PRLR: variants seen among roughly 807,000 people sequenced by gnomAD.
PRLR encodes prolactin receptor, also known as hPRL receptor.
Under a neutral mutation model 40.2 loss-of-function variants are expected in PRLR, and 13 were observed. The ratio of observed to expected loss-of-function variants is 0.32; its 90% CI spans 0.21 to 0.51. The LOEUF (loss-of-function observed/expected upper bound fraction) is 0.51. Ranked by LOEUF, PRLR falls within the 20% of genes least tolerant of loss-of-function variation. The pLI, the probability that PRLR is intolerant of heterozygous loss-of-function variation, is 0.97. For missense variants in PRLR, 656 were observed against 747.3 expected (o/e 0.88, Z 1.42); for synonymous variants, 269 against 278.7 (o/e 0.97, Z 0.35).
At chr5:35,104,644 G>A (rs906495294) in intron 2 of PRLR, among the ~76,000 whole-genome samples, 2 of 152,210 alleles carry the variant, frequency 1.3e-5, no homozygotes, top group East Asian at 1.9e-4. Flanking sequence ...GTCTGAGATC[G>A]AACTGCAAGG....
At chr5:35,166,434 T>C (rs1262673683) in intron 1 of PRLR, among the ~76,000 whole-genome samples, 1 of 152,176 alleles carries the variant, frequency 6.6e-6, no homozygotes, top group Non-Finnish European at 1.5e-5. Flanking sequence ...AACTGGAGAA[T>C]ATCTTGTTTT....
chr5:35,170,097 C>T (rs532021284), intron 1 of PRLR, among the ~76,000 whole-genome samples: 24 of 152,260 alleles, frequency 1.6e-4, no homozygotes, highest in Middle Eastern at 6.8e-3. Flanking sequence ...AGTCAAGAGG[C>T]TTCACTGAGA....
rs869174221 is a variant in PRLR, at chr5:35,191,048, C to CTT, written c.-106+39218_-106+39219dup. Among the ~76,000 whole-genome samples, 4 of 68,164 alleles carry CTT rather than the reference C, an allele frequency of 5.9e-5. 1 individual carries two copies. The highest frequency in any genetic ancestry group is 1.0e-3 in the East Asian group (2 of 1,958). 44.7% of individuals were successfully genotyped at this position (68,164 alleles called of 152,430 possible). ...ATCCAATTAACAGATGTGTTATTTT[C>CTT]TTTTTTTTTTTTTTTTTTTTTTTTT... On this transcript the variant is annotated intron_variant, in intron 1 of 9. Coordinates refer to ENST00000618457, the MANE Select transcript of PRLR (RefSeq NM_000949.7).
chr5:35,129,691 G>A (rs1291764705), intron 1 of PRLR, among the ~76,000 whole-genome samples: 1 of 151,278 alleles, frequency 6.6e-6, no homozygotes, highest in African/African-American at 2.4e-5. Context: ...TTACTCATTG[G>A]GTACCTATTT....
chr5:35,115,246 C>T (rs1772938831), intron 2 of PRLR, among the ~76,000 whole-genome samples: 1 of 152,200 alleles, frequency 6.6e-6, no homozygotes, highest in Non-Finnish European at 1.5e-5. Context: ...CCAATCGTTT[C>T]AGTCTCTCCA....
At chr5:35,154,976 G>A (rs897528386) in intron 1 of PRLR, among the ~76,000 whole-genome samples, 1 of 151,760 alleles carries the variant, frequency 6.6e-6, no homozygotes, top group Non-Finnish European at 1.5e-5. Flanking sequence ...AACACACACT[G>A]GAGCCTGTCA....
intron 1 of PRLR, among the ~76,000 whole-genome samples, chr5:35,226,001 G>A (rs1262043809): frequency 6.6e-6 from 1 of 152,106 alleles, no homozygotes; most frequent in Non-Finnish European, 1.5e-5. Context: ...TACTTTTTGG[G>A]GGGAATACTA....
At chr5:35,167,147 A>G (rs1316027168) in intron 1 of PRLR, among the ~76,000 whole-genome samples, 1 of 112,980 alleles carries the variant, frequency 8.9e-6, no homozygotes, top group African/African-American at 3.2e-5. Context: ...TCATCTATCT[A>G]TCTATCTATC....
chr5:35,155,885 C>T (rs1057095037), intron 1 of PRLR, among the ~76,000 whole-genome samples: 8 of 152,178 alleles, frequency 5.3e-5, no homozygotes, highest in Non-Finnish European at 1.2e-4. Context: ...AGTTCTCTCC[C>T]GCTGTAAATA....
chr5:35,064,964 G>C lies in PRLR; in HGVS notation c.*125C>G, dbSNP rs1403214188. 9.5e-7 allele frequency: 1 copy of C among 1,053,906 alleles called. No individual in the cohort carries two copies. Among genetic ancestry groups the C allele is most frequent in the Non-Finnish European group, 1.4e-6 (1 of 739,364 alleles). The allele number at this position is 1,053,906 out of a possible 1,614,324, so 65.3% of individuals were successfully genotyped here. ...AGAAAGAGGCAAGTGGTTAAAAATG[G>C]AGCATGAAAGGAGCTGGGAGCTTTA... On this transcript the variant is annotated 3_prime_UTR_variant, in exon 10 of 10. Transcript: ENST00000618457.
At chr5:35,099,915 G>A (rs189648331) in intron 2 of PRLR, among the ~76,000 whole-genome samples, 254 of 152,162 alleles carry the variant, frequency 1.7e-3, no homozygotes, top group African/African-American at 5.6e-3. Context: ...GGTGGTTCAC[G>A]CCTGTAATCC....
At chr5:35,199,330 C>T (rs1200711780) in intron 1 of PRLR, among the ~76,000 whole-genome samples, 1 of 152,114 alleles carries the variant, frequency 6.6e-6, no homozygotes, top group African/African-American at 2.4e-5. Context: ...GATGTGGAAG[C>T]GGTTAGATTG....
At position 35,065,565 on chromosome 5, in the gene PRLR, T is replaced by A; in HGVS notation, c.1393A>T (p.Ile465Phe). 1.9e-6 allele frequency: 3 copies of A among 1,614,036 alleles called. No homozygotes were observed. Among genetic ancestry groups the A allele is most frequent in the Non-Finnish European group, 2.5e-6 (3 of 1,179,994 alleles). ...GCCTTTCCCTCTTCTCTAGACTTAA[T>A]GGTTTGAGAGGATTTTAAAGCATCT... ...GKDALKSSQTIKSREEGKATQ... is the reference protein window; with the variant it reads ...GKDALKSSQTFKSREEGKATQ... The change falls in exon 10 of 10, where the codon ATT becomes TTT. Residue 465 changes from isoleucine to phenylalanine, a missense_variant. Physicochemically the swap from Ile to Phe is conservative, Grantham distance 21 (BLOSUM62 0). Transcript: ENST00000618457.
At chr5:35,086,126 G>A in intron 4 of PRLR, 82 bp downstream of exon 4, 2 of 1,535,824 alleles carry the variant, frequency 1.3e-6, no homozygotes, top group Non-Finnish European at 8.9e-7. Flanking sequence ...GGGATGTGCT[G>A]TCACTCAGAA....
chr5:35,181,645 A>G (rs972081753), intron 1 of PRLR, among the ~76,000 whole-genome samples: 1 of 152,238 alleles, frequency 6.6e-6, no homozygotes, highest in African/African-American at 2.4e-5. Context: ...AGTAAGGCAT[A>G]AAGAGGAGGC....
intron 1 of PRLR, among the ~76,000 whole-genome samples, chr5:35,164,877 G>A (rs1372482372): frequency 6.6e-6 from 1 of 152,070 alleles, no homozygotes; most frequent in East Asian, 1.9e-4. Flanking sequence ...AGATTTCAGG[G>A]ATAAGATTTG....
intron 1 of PRLR, among the ~76,000 whole-genome samples, chr5:35,176,209 A>G (rs891525770): frequency 6.6e-6 from 1 of 152,062 alleles, no homozygotes; most frequent in Admixed American, 6.5e-5. Flanking sequence ...AACTTCTCCC[A>G]CTTACCATTT....
intron 1 of PRLR, among the ~76,000 whole-genome samples, chr5:35,138,232 C>A (rs1223536104): frequency 6.6e-6 from 1 of 152,094 alleles, no homozygotes; most frequent in Non-Finnish European, 1.5e-5. Context: ...TTAAAAGATA[C>A]TTTGGAAGTT....
chr5:35,225,509 A>G (rs1776525528), intron 1 of PRLR, among the ~76,000 whole-genome samples: 2 of 152,252 alleles, frequency 1.3e-5, no homozygotes, highest in Non-Finnish European at 2.9e-5. Flanking sequence ...AGTCTAGATC[A>G]GTGCTATTCA....
Sources: gnomAD v4.1 joint callset for allele counts (sites outside exome capture counted in the v4.1 genomes callset) on GRCh38, gnomAD v4.1.1 for gene constraint, MANE v1.5 for transcripts, NCBI Gene and HGNC (gene_info 2026-07-23, HGNC 2026-07-21) for gene names.